NEGR1: variants seen among roughly 807,000 people sequenced by gnomAD.
The protein encoded by NEGR1 is IgLON family member 4.
NEGR1 carries 10 observed loss-of-function variants against 40.9 expected under a neutral mutation model. That is an observed-to-expected ratio of 0.24 (90% CI 0.15 to 0.42). The LOEUF is 0.42. Among genes scored for constraint, NEGR1 ranks in the 10% least tolerant of loss-of-function variants. NEGR1 has a pLI of 1.00. For missense variants in NEGR1, 352 were observed against 438.9 expected, an observed-to-expected ratio of 0.80 and a Z score of 1.77; for synonymous variants, 185 against 166.8, an observed-to-expected ratio of 1.11 and a Z score of -0.84.
intron 1 of NEGR1, among the ~76,000 whole-genome samples, chr1:72,013,602 A>G (rs1239385853): frequency 6.6e-6 from 1 of 152,110 alleles, no homozygotes; most frequent in Non-Finnish European, 1.5e-5. Context: ...TTTGTAATAT[A>G]AATCAACTGT....
At chr1:72,218,634 C>T (rs749564987) in intron 1 of NEGR1, among the ~76,000 whole-genome samples, 7 of 150,718 alleles carry the variant, frequency 4.6e-5, no homozygotes, top group Admixed American at 6.6e-5. Context: ...TCCTATGAGA[C>T]GATATAACAG....
At chr1:71,777,633 G>T (rs1351345711) in intron 2 of NEGR1, among the ~76,000 whole-genome samples, 1 of 151,680 alleles carries the variant, frequency 6.6e-6, no homozygotes, top group Admixed American at 6.6e-5. Flanking sequence ...CCCTTCTTTG[G>T]GTTTCTTTAT....
chr1:71,743,892 G>T (rs1391874319), intron 3 of NEGR1, among the ~76,000 whole-genome samples: 1 of 152,130 alleles, frequency 6.6e-6, no homozygotes, highest in East Asian at 1.9e-4. Flanking sequence ...CTTCATTCAA[G>T]CATCACCTCT....
chr1:72,107,086 T>C (rs1403114749), intron 1 of NEGR1, among the ~76,000 whole-genome samples: 1 of 151,686 alleles, frequency 6.6e-6, no homozygotes, highest in Non-Finnish European at 1.5e-5. Flanking sequence ...ATCTTTAGGG[T>C]GAGAAATAAT....
intron 4 of NEGR1, among the ~76,000 whole-genome samples, chr1:71,673,365 C>CT (rs938871822): frequency 6.6e-6 from 1 of 152,188 alleles, no homozygotes; most frequent in African/African-American, 2.4e-5. Flanking sequence ...TTTGTTCACA[C>CT]TTTATCAATT....
intron 2 of NEGR1, among the ~76,000 whole-genome samples, chr1:71,852,892 A>G (rs890047485): frequency 3.4e-5 from 5 of 145,948 alleles, no homozygotes; most frequent in Non-Finnish European, 7.5e-5. Flanking sequence ...AAAAAGAGAA[A>G]GAATGGTAAA....
chr1:71,730,918 GTGTGTA>G (rs1334402645), intron 3 of NEGR1, among the ~76,000 whole-genome samples: 5 of 145,256 alleles, frequency 3.4e-5, no homozygotes, highest in Non-Finnish European at 3.0e-5. Flanking sequence ...GTGTGTGTGT[GTGTGTA>G]TGTAACTTGA....
At chr1:71,776,078 T>G in intron 3 of NEGR1, 94 bp downstream of exon 3, 1 of 739,240 alleles carries the variant, frequency 1.4e-6, no homozygotes, top group Middle Eastern at 2.7e-4. Context: ...ATACAAAAAA[T>G]TAAGTTGACT....
At chr1:72,094,443 T>C (rs1648622199) in intron 1 of NEGR1, among the ~76,000 whole-genome samples, 1 of 152,186 alleles carries the variant, frequency 6.6e-6, no homozygotes, top group Non-Finnish European at 1.5e-5. Flanking sequence ...TTGAAAACTG[T>C]TGCAAAACAT....
intron 1 of NEGR1, among the ~76,000 whole-genome samples, chr1:71,992,080 C>A (rs11209881): frequency 8.9e-4 from 135 of 152,124 alleles, no homozygotes; most frequent in Non-Finnish European, 1.0e-3. Context: ...CAGGTGTGAG[C>A]CGCTGTGCCC....
chr1:71,815,640 G>C (rs998547929), intron 2 of NEGR1, among the ~76,000 whole-genome samples: 1 of 151,926 alleles, frequency 6.6e-6, no homozygotes, highest in Admixed American at 6.6e-5. Context: ...TTGTTGAGTT[G>C]ATCTCTTTAC....
At chr1:71,856,195 G>A (rs936249666) in intron 2 of NEGR1, among the ~76,000 whole-genome samples, 9 of 152,024 alleles carry the variant, frequency 5.9e-5, no homozygotes, top group Admixed American at 3.9e-4. Flanking sequence ...TGATAAGACA[G>A]TCATCTATCC....
chr1:72,181,343 C>T (rs917745158), intron 1 of NEGR1, among the ~76,000 whole-genome samples: 1 of 152,052 alleles, frequency 6.6e-6, no homozygotes, highest in African/African-American at 2.4e-5. Context: ...TCAATTGTCC[C>T]TCTACATCAT....
chr1:72,014,916 A>G (rs1449797832), intron 1 of NEGR1, among the ~76,000 whole-genome samples: 1 of 152,064 alleles, frequency 6.6e-6, no homozygotes, highest in Admixed American at 6.6e-5. Context: ...TGCCACAAGA[A>G]AGTATTCTTT....
intron 1 of NEGR1, among the ~76,000 whole-genome samples, chr1:72,201,552 A>G (rs1174200160): frequency 6.6e-6 from 1 of 151,854 alleles, no homozygotes; most frequent in Non-Finnish European, 1.5e-5. Flanking sequence ...GACAGCTTGG[A>G]CGAAGTTTGT....
At chr1:71,915,494 TATA>T (rs1355720538) in intron 2 of NEGR1, among the ~76,000 whole-genome samples, 1 of 152,064 alleles carries the variant, frequency 6.6e-6, no homozygotes, top group African/African-American at 2.4e-5. Flanking sequence ...ATTTATTATA[TATA>T]ATAATAATAG....
intron 6 of NEGR1, among the ~76,000 whole-genome samples, chr1:71,452,662 G>C (rs1426573176): frequency 6.6e-6 from 1 of 151,986 alleles, no homozygotes; most frequent in Non-Finnish European, 1.5e-5. Flanking sequence ...TTACCATAAG[G>C]TTTTGCTAAC....
chr1:72,196,268 G>T (rs1652995646), intron 1 of NEGR1, among the ~76,000 whole-genome samples: 1 of 151,954 alleles, frequency 6.6e-6, no homozygotes, highest in Non-Finnish European at 1.5e-5. Context: ...TGCTCAACCT[G>T]TATATTGCAA....
chr1:71,498,808 T>C (rs1007025307), intron 6 of NEGR1, among the ~76,000 whole-genome samples: 3 of 152,152 alleles, frequency 2.0e-5, no homozygotes, highest in Admixed American at 1.3e-4. Flanking sequence ...GCCTTAATCA[T>C]AGGAGACCTG....
Sources: gnomAD v4.1 joint callset for allele counts (sites outside exome capture counted in the v4.1 genomes callset) on GRCh38, gnomAD v4.1.1 for gene constraint, MANE v1.5 for transcripts, NCBI Gene and HGNC (gene_info 2026-07-23, HGNC 2026-07-21) for gene names.